The following PAPPA variants were observed in gnomAD, a reference collection of about 807,000 sequenced individuals.
The protein encoded by PAPPA is pappalysin 1, also known as pappalysin-1.
A neutral mutation model predicts 164.0 loss-of-function variants in PAPPA; 60 were observed. The observed-to-expected ratio is 0.37, with a 90% CI of 0.30 to 0.45. The LOEUF is 0.45. Ranked by LOEUF, PAPPA falls within the 20% of genes least tolerant of loss-of-function variation. The pLI is 1.00. For synonymous variants in PAPPA, 875 were observed against 814.1 expected (o/e 1.07, Z -1.27); for missense variants, 1,782 against 2,087.3 (o/e 0.85, Z 2.85).
intron 1 of PAPPA, among the ~76,000 whole-genome samples, chr9:116,185,816 G>A (rs1843962790): frequency 6.6e-6 from 1 of 152,114 alleles, no homozygotes; most frequent in Non-Finnish European, 1.5e-5. Flanking sequence ...GAGATGCTTG[G>A]CTTGGAACTT....
intron 7 of PAPPA, among the ~76,000 whole-genome samples, chr9:116,238,555 T>A (rs2118752768): frequency 6.6e-6 from 1 of 152,358 alleles, no homozygotes; most frequent in Non-Finnish European, 1.5e-5. Context: ...ACTTAAGTGC[T>A]GAGCTCCTAC....
Position 116,307,820 on chromosome 9 carries a change from T to C in PAPPA, c.3147+4870T>C, listed in dbSNP as rs955165245. Among the ~76,000 whole-genome samples, 3 of 152,250 alleles carry C rather than the reference T, an allele frequency of 2.0e-5. No homozygotes were observed. In the East Asian group the frequency reaches 5.8e-4, roughly 29 times the overall value. On this transcript the variant is annotated intron_variant, in intron 10 of 21. Transcript: ENST00000328252. ...AAATTCCATTCTGACATGGAAACCT[T>C]GAGTAAGTTACTCTTCTGGGAATCT...
At chr9:116,200,195 T>G (rs185715950) in intron 2 of PAPPA, among the ~76,000 whole-genome samples, 1 of 152,328 alleles carries the variant, frequency 6.6e-6, no homozygotes, top group East Asian at 1.9e-4. Context: ...TTCTGGGCTT[T>G]CTGGAGCTTC....
At chr9:116,374,253 C>A (rs188127372) in intron 19 of PAPPA, among the ~76,000 whole-genome samples, 1 of 151,622 alleles carries the variant, frequency 6.6e-6, no homozygotes, top group Non-Finnish European at 1.5e-5. Flanking sequence ...TAATTGCAAC[C>A]AGGAAGAAAA....
chr9:116,236,611 T>C (rs1045041382), intron 7 of PAPPA, among the ~76,000 whole-genome samples: 2 of 149,866 alleles, frequency 1.3e-5, no homozygotes, highest in African/African-American at 2.4e-5. Context: ...AAAAAATTAC[T>C]CACTTCTCAA....
At chr9:116,280,597 G>A (rs10732382) in intron 9 of PAPPA, among the ~76,000 whole-genome samples, 94,461 of 152,070 alleles carry the variant, frequency 0.62, 29,487 homozygotes, top group East Asian at 0.67. Context: ...CTTGAGGACT[G>A]TGGTGAAGCT....
At chr9:116,344,744 G>A in intron 14 of PAPPA, 33 bp downstream of exon 14, 2 of 1,592,416 alleles carry the variant, frequency 1.3e-6, no homozygotes, top group South Asian at 1.1e-5. Flanking sequence ...GAGCCTCTCT[G>A]CAGCCCAGGG....
intron 10 of PAPPA, among the ~76,000 whole-genome samples, chr9:116,312,327 G>A (rs1845730932): frequency 6.9e-6 from 1 of 145,784 alleles, no homozygotes; most frequent in Non-Finnish European, 1.5e-5. Context: ...GTTTTAAGTG[G>A]GGTCACCAGC....
intron 19 of PAPPA, 86 bp downstream of exon 19, chr9:116,367,840 T>A: frequency 4.6e-6 from 4 of 873,984 alleles, no homozygotes; most frequent in Non-Finnish European, 7.5e-6. Flanking sequence ...CGGTTCTGAG[T>A]TCATTCTTTC....
intron 19 of PAPPA, among the ~76,000 whole-genome samples, chr9:116,374,040 G>A (rs945575294): frequency 6.6e-6 from 1 of 151,842 alleles, no homozygotes; most frequent in Non-Finnish European, 1.5e-5. Context: ...TGATATTGAC[G>A]TTGGTGGAGG....
chr9:116,285,167 C>CTATCTTTTTT (rs1845318615), intron 9 of PAPPA, among the ~76,000 whole-genome samples: 1 of 90,098 alleles, frequency 1.1e-5, no homozygotes, highest in Non-Finnish European at 2.2e-5. Flanking sequence ...TCTTTTCTTT[C>CTATCTTTTTT]TTTCTTTTTT....
chr9:116,322,124 C>G (rs566018389), intron 10 of PAPPA, among the ~76,000 whole-genome samples: 4 of 152,226 alleles, frequency 2.6e-5, no homozygotes, highest in African/African-American at 9.6e-5. Context: ...ACTGGGCAGA[C>G]CATCTTTAAG....
intron 1 of PAPPA, among the ~76,000 whole-genome samples, chr9:116,164,466 G>C (rs1054998168): frequency 6.6e-6 from 1 of 152,216 alleles, no homozygotes; most frequent in African/African-American, 2.4e-5. Flanking sequence ...ACCCTGGTCA[G>C]GTCTCAGATT....
chr9:116,285,109 C>T (rs757732596), intron 9 of PAPPA, among the ~76,000 whole-genome samples: 27 of 151,408 alleles, frequency 1.8e-4, no homozygotes, highest in South Asian at 1.7e-3. Flanking sequence ...TGATCTGAGC[C>T]CAGGATTTGC....
At chr9:116,296,998 G>C (rs1845517395) in intron 9 of PAPPA, among the ~76,000 whole-genome samples, 3 of 151,994 alleles carry the variant, frequency 2.0e-5, no homozygotes, top group Admixed American at 2.0e-4. Context: ...GGGATTACAG[G>C]CATACACCAC....
At position 116,398,749 on chromosome 9, in the gene PAPPA, A is replaced by T; in HGVS notation, c.*2133A>T. On this transcript the variant is annotated 3_prime_UTR_variant, in exon 22 of 22. Transcript: ENST00000328252. ...CAAGGCTGCCACAGTTGTTAAGAAT[A>T]ATCCTCTATGTTTCTTCCTCACAAA... The T allele has an allele frequency of 2.2e-6, 1 of 453,802 alleles. No homozygotes were observed. The highest frequency in any genetic ancestry group is 4.4e-6 in the Non-Finnish European group (1 of 225,768). The allele number at this position is 453,802 out of a possible 1,614,324, so 28.1% of individuals were successfully genotyped here.
rs148076633 is a variant in PAPPA at position 116,208,599 on chromosome 9, G to A, written c.1624+998G>A. On this transcript the variant is annotated intron_variant, in intron 3 of 21. Transcript: ENST00000328252. ...CAAGAATGAATCGTGATGACTCAGT[G>A]AACATCTTTATCTGAGAATGTTCAG... Among the ~76,000 whole-genome samples, 4 of 152,312 alleles carry A rather than the reference G, an allele frequency of 2.6e-5. No individual in the cohort carries two copies. The East Asian group carries it at 7.7e-4, about 29-fold the overall frequency.
At chr9:116,250,013 ATGTGTG>A (rs67162181) in intron 7 of PAPPA, among the ~76,000 whole-genome samples, 29,798 of 143,536 alleles carry the variant, frequency 0.21, 3,595 homozygotes, top group Non-Finnish European at 0.29. Context: ...GTACCTGCAT[ATGTGTG>A]TGTGTGTGTG....
At chr9:116,305,299 G>A (rs1490342732) in intron 10 of PAPPA, among the ~76,000 whole-genome samples, 1 of 152,194 alleles carries the variant, frequency 6.6e-6, no homozygotes, top group Non-Finnish European at 1.5e-5. Flanking sequence ...GATTAGAAGA[G>A]ATTGGTAGTT....
Sources: allele counts gnomAD v4.1 joint callset (sites outside exome capture counted in the v4.1 genomes callset), GRCh38; gene constraint gnomAD v4.1.1; transcripts MANE v1.5; gene names NCBI Gene and HGNC (gene_info 2026-07-23, HGNC 2026-07-21).